The following AFG1L variants were observed in gnomAD, a reference collection of about 807,000 sequenced individuals.
AFG1L encodes AFG1 like ATPase.
AFG1L carries 53 observed loss-of-function variants against 62.2 expected under a neutral mutation model. That is an observed-to-expected ratio of 0.85 (90% CI 0.68 to 1.07). The LOEUF (loss-of-function observed/expected upper bound fraction) is 1.07, where lower values mean the gene tolerates loss of function less well. Ranked by LOEUF, AFG1L falls within the 50% of genes least tolerant of loss-of-function variation. The pLI, the probability that AFG1L is intolerant of heterozygous loss-of-function variation, is 0.00. For missense variants in AFG1L, 555 were observed against 590.5 expected (o/e 0.94, Z 0.62); for synonymous variants, 228 against 210.3 (o/e 1.08, Z -0.73).
At chr6:108,359,663 C>A (rs1338068209) in intron 5 of AFG1L, 2 of 152,300 alleles carry the variant, frequency 1.3e-5, no homozygotes, top group African/African-American at 4.8e-5. Flanking sequence ...CAGCCTTGGA[C>A]TTGTATGGTG....
chr6:108,512,512 G>A (rs903226717), intron 11 of AFG1L, among the ~76,000 whole-genome samples: 13 of 152,090 alleles, frequency 8.5e-5, no homozygotes, highest in African/African-American at 1.2e-4. Context: ...TGGAATGAAG[G>A]GCAGGGGCCT....
At chr6:108,447,414 A>C in intron 8 of AFG1L, 118 bp downstream of exon 8, 1 of 577,468 alleles carries the variant, frequency 1.7e-6, no homozygotes, top group Non-Finnish European at 3.1e-6. Flanking sequence ...ATGATTTTTA[A>C]ATTGCAAATG....
chr6:108,445,234 GA>G (rs1358313768), intron 7 of AFG1L, among the ~76,000 whole-genome samples: 1 of 152,130 alleles, frequency 6.6e-6, no homozygotes, highest in Non-Finnish European at 1.5e-5. Flanking sequence ...GAATTGAAGG[GA>G]GTTAGGGCCT....
intron 10 of AFG1L, among the ~76,000 whole-genome samples, chr6:108,478,655 A>C (rs367796995): frequency 6.0e-4 from 92 of 152,328 alleles, no homozygotes; most frequent in Non-Finnish European, 1.1e-3. Context: ...TTTTGCAAGG[A>C]AAATAAACTT....
rs144322732 is a variant in AFG1L at position 108,429,801 on chromosome 6, T to C, written c.808-17413T>C. On this transcript the variant is annotated intron_variant, in intron 7 of 12. Transcript: ENST00000368977. ...ATGAATTTAGGATTTTTTTTTCTAA[T>C]TCTGTGGAAAATTGCTTTGCTGCCC... is the stretch of plus-strand genomic sequence containing the variant. Among the ~76,000 whole-genome samples, 8 of 152,282 alleles carry C rather than the reference T, an allele frequency of 5.3e-5. No individual in the cohort carries two copies. In the East Asian group the frequency reaches 1.5e-3, roughly 29 times the overall value.
At chr6:108,491,326 G>GA (rs2114852001) in intron 10 of AFG1L, among the ~76,000 whole-genome samples, 2 of 152,286 alleles carry the variant, frequency 1.3e-5, no homozygotes, top group South Asian at 2.1e-4. Flanking sequence ...CAGTTACTCA[G>GA]AAGTGATGAT....
chr6:108,441,885 A>T (rs1238115405), intron 7 of AFG1L, among the ~76,000 whole-genome samples: 1 of 152,042 alleles, frequency 6.6e-6, no homozygotes, highest in East Asian at 1.9e-4. Context: ...ATGATCGAGA[A>T]GTTAGTTACC....
chr6:108,418,273 C>G (rs543001692), intron 7 of AFG1L, among the ~76,000 whole-genome samples: 4 of 152,280 alleles, frequency 2.6e-5, no homozygotes, highest in African/African-American at 9.6e-5. Flanking sequence ...TTTTATAAAT[C>G]AAGTTTTATT....
intron 1 of AFG1L, among the ~76,000 whole-genome samples, chr6:108,303,993 G>T (rs569306084): frequency 1.3e-5 from 2 of 152,110 alleles, no homozygotes; most frequent in Non-Finnish European, 2.9e-5. Context: ...TTGTTATCAT[G>T]AAATTTAAAG....
chr6:108,389,206 C>CT (rs1487895146), intron 6 of AFG1L, among the ~76,000 whole-genome samples: 1 of 151,916 alleles, frequency 6.6e-6, no homozygotes, highest in Non-Finnish European at 1.5e-5. Flanking sequence ...CAACCCCTGC[C>CT]TTTTTTTGTT....
At chr6:108,493,562 G>A (rs980107811) in intron 10 of AFG1L, among the ~76,000 whole-genome samples, 4 of 152,130 alleles carry the variant, frequency 2.6e-5, no homozygotes, top group African/African-American at 4.8e-5. Flanking sequence ...TCTGTTGTAC[G>A]GTCGAACCCA....
At chr6:108,471,465 CTTCTTT>C (rs1316428489) in intron 8 of AFG1L, among the ~76,000 whole-genome samples, 6 of 110,214 alleles carry the variant, frequency 5.4e-5, no homozygotes, top group Non-Finnish European at 8.5e-5. Flanking sequence ...TCGTGTTCTT[CTTCTTT>C]TTTTTTTTTT....
At chr6:108,420,866 A>G (rs1167388533) in intron 7 of AFG1L, among the ~76,000 whole-genome samples, 1 of 152,194 alleles carries the variant, frequency 6.6e-6, no homozygotes, top group Non-Finnish European at 1.5e-5. Context: ...ATTTTTGGTT[A>G]AATCACAAGA....
intron 7 of AFG1L, among the ~76,000 whole-genome samples, chr6:108,430,570 A>G (rs1279830489): frequency 6.6e-6 from 1 of 152,224 alleles, no homozygotes; most frequent in African/African-American, 2.4e-5. Context: ...CTAGACAGAT[A>G]GAGATCAAAA....
At chr6:108,326,598 T>TA (rs762370487) in intron 2 of AFG1L, among the ~76,000 whole-genome samples, 2 of 152,124 alleles carry the variant, frequency 1.3e-5, no homozygotes, top group Non-Finnish European at 2.9e-5. Context: ...CCCTGCCAAA[T>TA]ACGCTTTTAC....
intron 11 of AFG1L, among the ~76,000 whole-genome samples, chr6:108,516,460 G>A (rs1774897964): frequency 2.0e-5 from 3 of 152,148 alleles, no homozygotes; most frequent in Admixed American, 2.0e-4. Flanking sequence ...AGCCCTTCAT[G>A]CTAAAAACTC....
chr6:108,401,878 C>T, intron 6 of AFG1L, 118 bp from the exon 7 acceptor site: 1 of 531,260 alleles, frequency 1.9e-6, no homozygotes, highest in Non-Finnish European at 3.3e-6. Context: ...GTCTTTTTTT[C>T]TTTTTGCTCC....
intron 1 of AFG1L, among the ~76,000 whole-genome samples, chr6:108,302,243 C>T (rs1289577302): frequency 2.6e-5 from 4 of 152,076 alleles, no homozygotes; most frequent in African/African-American, 4.8e-5. Flanking sequence ...GCTCCCAGCC[C>T]GAGACTAGAA....
At chr6:108,461,840 A>G (rs1772472991) in intron 8 of AFG1L, among the ~76,000 whole-genome samples, 1 of 152,174 alleles carries the variant, frequency 6.6e-6, no homozygotes, top group Admixed American at 6.5e-5. Flanking sequence ...CACACATGTA[A>G]TCCCAGCACT....
Sources: gnomAD v4.1 joint callset for allele counts (sites outside exome capture counted in the v4.1 genomes callset) on GRCh38, gnomAD v4.1.1 for gene constraint, MANE v1.5 for transcripts, NCBI Gene and HGNC (gene_info 2026-07-23, HGNC 2026-07-21) for gene names.